Variants in QRICH1 observed in about 807,000 individuals in gnomAD.
The protein encoded by QRICH1 is transcriptional regulator QRICH1.
QRICH1 carries 16 observed loss-of-function variants against 87.1 expected under a neutral mutation model. The ratio of observed to expected loss-of-function variants is 0.18; its 90% confidence interval spans 0.12 to 0.28. The LOEUF is 0.28. QRICH1 is among the 10% of genes least tolerant of loss of function. The pLI, the probability that QRICH1 is intolerant of heterozygous loss-of-function variation, is 1.00. For synonymous variants in QRICH1, 367 were observed against 368.4 expected (o/e 1.00, Z 0.05); for missense variants, 647 against 951.7 (o/e 0.68, Z 4.21).
intron 1 of QRICH1, among the ~76,000 whole-genome samples, chr3:49,079,082 A>G (rs2042008294): frequency 1.3e-5 from 2 of 152,182 alleles, no homozygotes; most frequent in South Asian, 2.1e-4. Context: ...AAAATATATA[A>G]AAATTAACTG....
At chr3:49,049,457 T>A (rs2093357693) in intron 3 of QRICH1, among the ~76,000 whole-genome samples, 1 of 151,896 alleles carries the variant, frequency 6.6e-6, no homozygotes, top group South Asian at 2.1e-4. Context: ...AAAATAAAAA[T>A]AAAAAAGTGA....
chr3:49,039,233 T>C (rs1044191016), intron 6 of QRICH1, among the ~76,000 whole-genome samples: 3 of 152,144 alleles, frequency 2.0e-5, no homozygotes, highest in African/African-American at 7.2e-5. Flanking sequence ...GGCACATGCC[T>C]GTAATCCCAG....
At chr3:49,031,143 AG>A in intron 9 of QRICH1, among the ~76,000 whole-genome samples, 1 of 151,928 alleles carries the variant, frequency 6.6e-6, no homozygotes, top group Non-Finnish European at 1.5e-5. Context: ...CGAGCCACCA[AG>A]CCCAGCTAAT....
chr3:49,092,675 G>T (rs188008328), intron 1 of QRICH1, among the ~76,000 whole-genome samples: 155 of 152,134 alleles, frequency 1.0e-3, no homozygotes, highest in Admixed American at 3.0e-3. Context: ...AGAAAAAAGA[G>T]GTGCCTATTT....
At chr3:49,076,428 A>G (rs1187254550) in intron 2 of QRICH1, among the ~76,000 whole-genome samples, 1 of 151,986 alleles carries the variant, frequency 6.6e-6, no homozygotes, top group African/African-American at 2.4e-5. Flanking sequence ...TAAACCAATC[A>G]TAGATGACCC....
chr3:49,056,936 G>T lies in QRICH1; in HGVS notation c.1264C>A (p.Pro422Thr), dbSNP rs1200144541. 1 of 1,614,036 alleles carries T rather than the reference G, an allele frequency of 6.2e-7. No homozygotes were observed. Among genetic ancestry groups the T allele is most frequent in the Non-Finnish European group, 8.5e-7 (1 of 1,180,024 alleles). The stretch of plus-strand genomic sequence containing the variant: ...TGTTCCTGGGGAGTTTGCTGCTGCG[G>T]CTGCTGTTGGGGGTCCCATATATGG... The part of the protein sequence containing the change: ...TVHIWDPQQQ[P>T]QQQTPQEQTP... The change falls in exon 3 of 10, where the codon CCG (proline) becomes ACG (threonine). Residue 422 changes from proline (P) to threonine (T), a missense_variant. By Grantham distance (38) the Pro-to-Thr change is conservative (BLOSUM62 -1). Around this residue, in one of 7 missense-constraint regions of QRICH1, gnomAD observed 115 missense variants for 126.8 expected, o/e 0.91. Coordinates refer to ENST00000395443, the MANE Select transcript of QRICH1 (RefSeq NM_198880.3).
At chr3:49,052,150 T>A (rs1034167659) in intron 3 of QRICH1, among the ~76,000 whole-genome samples, 20 of 152,118 alleles carry the variant, frequency 1.3e-4, no homozygotes, top group Non-Finnish European at 2.9e-4. Flanking sequence ...GGAGATGATA[T>A]AAGAGATTTT....
chr3:49,059,039 G>A (rs2093419479), intron 2 of QRICH1, among the ~76,000 whole-genome samples: 1 of 148,156 alleles, frequency 6.7e-6, no homozygotes, highest in African/African-American at 2.5e-5. Flanking sequence ...TCAGCTCACT[G>A]CAAGCTCCGC....
At chr3:49,070,038 A>ATT (rs60677491) in intron 2 of QRICH1, among the ~76,000 whole-genome samples, 4 of 143,338 alleles carry the variant, frequency 2.8e-5, no homozygotes, top group African/African-American at 7.6e-5. Context: ...TTGTCACCAA[A>ATT]TTTTTTTTTT....
intron 6 of QRICH1, among the ~76,000 whole-genome samples, chr3:49,040,333 C>T (rs571273415): frequency 2.0e-5 from 3 of 152,290 alleles, no homozygotes; most frequent in East Asian, 3.9e-4. Context: ...AATTGCTAGG[C>T]GCAGCAGCTC....
intron 1 of QRICH1, among the ~76,000 whole-genome samples, chr3:49,079,999 A>T (rs1311622287): frequency 6.7e-6 from 1 of 150,240 alleles, no homozygotes; most frequent in Non-Finnish European, 1.5e-5. Context: ...ACTGCGCTCC[A>T]GCCTGGGCGC....
intron 6 of QRICH1, among the ~76,000 whole-genome samples, chr3:49,034,435 C>T (rs1461551540): frequency 6.7e-6 from 1 of 148,482 alleles, no homozygotes; most frequent in Non-Finnish European, 1.5e-5. Context: ...GAGTGAGATC[C>T]TGTCTCAAAA....
intron 2 of QRICH1, among the ~76,000 whole-genome samples, chr3:49,062,917 G>A (rs543930088): frequency 2.4e-4 from 36 of 151,704 alleles, no homozygotes; most frequent in African/African-American, 8.4e-4. Flanking sequence ...GGAGAATGGC[G>A]TGAACCTGGG....
At chr3:49,082,860 A>G (rs1366831447) in intron 1 of QRICH1, among the ~76,000 whole-genome samples, 1 of 146,782 alleles carries the variant, frequency 6.8e-6, no homozygotes, top group Non-Finnish European at 1.5e-5. Flanking sequence ...ACACCACTGC[A>G]CTCCAGCCTG....
intron 6 of QRICH1, among the ~76,000 whole-genome samples, chr3:49,038,410 TTTAA>T (rs1325129547): frequency 1.3e-5 from 2 of 151,762 alleles, no homozygotes; most frequent in Admixed American, 6.6e-5. Flanking sequence ...TTTTTGTTGA[TTTAA>T]TTATTATTAT....
intron 1 of QRICH1, among the ~76,000 whole-genome samples, chr3:49,090,181 C>T (rs1182947865): frequency 2.6e-5 from 4 of 152,142 alleles, no homozygotes; most frequent in African/African-American, 7.2e-5. Flanking sequence ...AGACATCAGC[C>T]GGGCACAGTG....
chr3:49,086,309 T>C (rs2042165601), intron 1 of QRICH1, among the ~76,000 whole-genome samples: 1 of 150,986 alleles, frequency 6.6e-6, no homozygotes, highest in Non-Finnish European at 1.5e-5. Context: ...CAGGCTGGAG[T>C]GCAATGGTGC....
chr3:49,057,604 A>T lies in QRICH1; in HGVS notation c.596T>A (p.Leu199Gln). ...ACCAGCAAGAGACTGGCCAGCCACC[A>T]GCTGAGCCTGGATTTGCTGATGTGG... ...HIPHQQIQAQ[L>Q]VAGQSLAGGQ... The change falls in exon 3 of 10, where the codon CTG becomes CAG. Residue 199 changes from leucine (L) to glutamine (Q), a missense_variant. Transcript: ENST00000395443. The surrounding 1 kb of genome is among the most constrained non-coding windows in gnomAD (Gnocchi z 5.4). 6.2e-7 allele frequency: 1 copy of T among 1,614,090 alleles called. No individual in the cohort carries two copies. Among genetic ancestry groups the T allele is most frequent in the Non-Finnish European group, 8.5e-7 (1 of 1,179,958 alleles).
In QRICH1 at chr3:49,030,166, C is replaced by T; in HGVS notation, c.*286G>A. The T allele has an allele frequency of 2.0e-6, 1 of 504,678 alleles. No individual in the cohort carries two copies. Among genetic ancestry groups the T allele is most frequent in the Non-Finnish European group, 3.5e-6 (1 of 288,314 alleles). 31.3% of individuals were successfully genotyped at this position (504,678 alleles called of 1,614,324 possible). ...GCCACATTTCTTTTCACAGTCCAAG[C>T]CCTTTCCCCAGGCCCCAGACAAAAA... On this transcript the variant is annotated 3_prime_UTR_variant, in exon 10 of 10. Transcript: ENST00000395443.
Sources: gnomAD v4.1 joint callset for allele counts (sites outside exome capture counted in the v4.1 genomes callset) on GRCh38, gnomAD v4.1.1 for gene constraint, gnomAD v4.1.1 regional missense constraint, Gnocchi (gnomAD v3.1) non-coding constraint, MANE v1.5 for transcripts, NCBI Gene and HGNC (gene_info 2026-07-23, HGNC 2026-07-21) for gene names.